MS4A15: variants seen among roughly 807,000 people sequenced by gnomAD.
The protein encoded by MS4A15 is membrane spanning 4-domains A15.
In MS4A15, 22 loss-of-function variants were observed where a neutral mutation model predicts 20.6. The ratio of observed to expected loss-of-function variants is 1.07; its 90% CI spans 0.76 to 1.52. MS4A15 has a LOEUF of 1.52. MS4A15 is among the 40% of genes most tolerant of loss of function. The pLI is 0.00. For synonymous variants in MS4A15, 129 were observed against 129.3 expected (o/e 1.00, Z 0.02); for missense variants, 312 against 323.0 (o/e 0.97, Z 0.26).
rs141545672 is a variant in MS4A15 at position 60,771,403 on chromosome 11, T to C, written c.405+56T>C. ...GGATGAAGCCACAGCTAAATCTCACTCTACCCTGCCCCTCCCATCCACTCA... is the reference window on the plus strand; with the variant it reads ...GGATGAAGCCACAGCTAAATCTCACCCTACCCTGCCCCTCCCATCCACTCA... On this transcript the variant is annotated intron_variant, in intron 4 of 6. Coordinates refer to ENST00000405633, the MANE Select transcript of MS4A15 (RefSeq NM_001098835.2). 9.1e-3 allele frequency: 14,607 copies of C among 1,607,496 alleles called. 158 individuals carry two copies. Among genetic ancestry groups the C allele is most frequent in the South Asian group, 0.042 (3,784 of 90,208 alleles).
At chr11:60,766,153 G>A (rs191270631) in intron 2 of MS4A15, among the ~76,000 whole-genome samples, 2 of 152,296 alleles carry the variant, frequency 1.3e-5, no homozygotes, top group Non-Finnish European at 2.9e-5. Flanking sequence ...GGCCAAGATG[G>A]GTGGATCACC....
intron 2 of MS4A15, 98 bp downstream of exon 2, chr11:60,764,056 A>G (rs1484152404): frequency 1.9e-6 from 2 of 1,075,932 alleles, no homozygotes; most frequent in Non-Finnish European, 2.7e-6. Flanking sequence ...GCAGTTAACA[A>G]ATATGTAGTA....
intron 1 of MS4A15, among the ~76,000 whole-genome samples, chr11:60,761,464 T>C (rs1853737331): frequency 1.3e-5 from 2 of 152,202 alleles, no homozygotes; most frequent in East Asian, 3.8e-4. Flanking sequence ...GGCCATTCAG[T>C]GGTCTCCATC....
At chr11:60,767,698 C>T (rs923567276) in intron 3 of MS4A15, 43 bp downstream of exon 3, 1 of 1,493,978 alleles carries the variant, frequency 6.7e-7, no homozygotes, top group Non-Finnish European at 8.9e-7. Context: ...GGGGATGCTG[C>T]CCAGGCTCAC....
rs1411259650 is a variant in MS4A15, at chr11:60,767,629, G to A, written c.322G>A (p.Gly108Ser). The A allele has an allele frequency of 1.9e-6, 3 of 1,555,886 alleles. No homozygotes were observed. Among genetic ancestry groups the A allele is most frequent in the African/African-American group, 1.4e-5 (1 of 73,792 alleles). ...CGTGGGCATCTTCTTCATCGAGGGC[G>A]GCGTCCCCTTCTGGGGAGGAGCCTG... is the stretch of plus-strand genomic sequence containing the variant. ...GHVGIFFIEG[G>S]VPFWGGACFI... The change falls in exon 3 of 7, where the codon GGC becomes AGC. Residue 108 changes from glycine to serine, a missense_variant. Gly to Ser is a moderately conservative substitution (Grantham distance 56). Coordinates refer to ENST00000405633, the MANE Select transcript of MS4A15 (RefSeq NM_001098835.2).
At chr11:60,760,917 C>A (rs910955323) in intron 1 of MS4A15, among the ~76,000 whole-genome samples, 3 of 152,150 alleles carry the variant, frequency 2.0e-5, no homozygotes, top group Non-Finnish European at 2.9e-5. Flanking sequence ...GGCATAGAAG[C>A]CTCTGTAACT....
rs1366171081 is a variant in MS4A15, at chr11:60,767,658, G to A, written c.348+3G>A. On this transcript the variant is annotated splice_donor_region_variant and intron_variant, in intron 3 of 6. Transcript: ENST00000405633. ...TCCCCTTCTGGGGAGGAGCCTGCGTGAGTGCCGGGGCCATGGAGAGGGAGG... is the reference window on the plus strand; with the variant it reads ...TCCCCTTCTGGGGAGGAGCCTGCGTAAGTGCCGGGGCCATGGAGAGGGAGG... 2.6e-6 allele frequency: 4 copies of A among 1,547,620 alleles called. No individual in the cohort carries two copies. Among genetic ancestry groups the A allele is most frequent in the Non-Finnish European group, 3.5e-6 (4 of 1,145,580 alleles).
At chr11:60,771,585 TC>T (rs1854045482) in intron 4 of MS4A15, 1 of 1,517,538 alleles carries the variant, frequency 6.6e-7, no homozygotes, top group African/African-American at 1.4e-5. Flanking sequence ...AGGTCCATGC[TC>T]ATGGTCATTC....
Position 60,763,695 on chromosome 11 carries a change from T to C in MS4A15, c.-28-11T>C. ...GGGTGACAATCATCATTGCCATTATTATCTCCCAAGCCTTTGTTTCCCAGG... is the reference window on the plus strand; with the variant it reads ...GGGTGACAATCATCATTGCCATTATCATCTCCCAAGCCTTTGTTTCCCAGG... On this transcript the variant is annotated splice_polypyrimidine_tract_variant and intron_variant, in intron 1 of 6. Coordinates refer to ENST00000405633, the MANE Select transcript of MS4A15 (RefSeq NM_001098835.2). 6.2e-7 allele frequency: 1 copy of C among 1,604,192 alleles called. No homozygotes were observed. Among genetic ancestry groups the C allele is most frequent in the Non-Finnish European group, 8.5e-7 (1 of 1,173,080 alleles).
chr11:60,763,574 CA>C, intron 1 of MS4A15, 131 bp from the exon 2 acceptor site: 2 of 713,622 alleles, frequency 2.8e-6, no homozygotes, highest in South Asian at 3.8e-5. Context: ...TCAGCTTCCC[CA>C]GCTTTGATGA....
At chr11:60,758,869 C>A (rs1853653676) in intron 1 of MS4A15, among the ~76,000 whole-genome samples, 1 of 152,206 alleles carries the variant, frequency 6.6e-6, no homozygotes. Flanking sequence ...TGGCAATAGG[C>A]CATGCAAAAA....
intron 3 of MS4A15, 48 bp from the exon 4 acceptor site, chr11:60,771,243 G>A (rs1854029216): frequency 1.2e-6 from 2 of 1,608,526 alleles, no homozygotes; most frequent in Non-Finnish European, 1.7e-6. Flanking sequence ...GGTCTGCCCT[G>A]CCCAGGGTCC....
intron 3 of MS4A15, 25 bp from the exon 4 acceptor site, chr11:60,771,265 TC>T (rs1854029885): frequency 1.2e-6 from 2 of 1,612,676 alleles, no homozygotes; most frequent in African/African-American, 2.7e-5. Context: ...GGCTGAGGCC[TC>T]ACCTGGTCCC....
At chr11:60,762,917 C>CTGTT (rs1853782969) in intron 1 of MS4A15, among the ~76,000 whole-genome samples, 1 of 152,108 alleles carries the variant, frequency 6.6e-6, no homozygotes, top group Non-Finnish European at 1.5e-5. Context: ...AAACAGCCTC[C>CTGTT]TAAGAAGGTG....
At chr11:60,770,508 G>T (rs1854006518) in intron 3 of MS4A15, among the ~76,000 whole-genome samples, 1 of 151,412 alleles carries the variant, frequency 6.6e-6, no homozygotes, top group Non-Finnish European at 1.5e-5. Flanking sequence ...TGGGGCAGGA[G>T]AATCACTTGA....
intron 3 of MS4A15, among the ~76,000 whole-genome samples, chr11:60,768,800 C>A (rs1476261199): frequency 6.6e-6 from 1 of 152,172 alleles, no homozygotes; most frequent in Non-Finnish European, 1.5e-5. Flanking sequence ...GAGAGAAAGC[C>A]AGAGATTTGC....
chr11:60,772,121 G>A (rs1032755542), intron 4 of MS4A15, among the ~76,000 whole-genome samples: 1 of 152,066 alleles, frequency 6.6e-6, no homozygotes, highest in Admixed American at 6.6e-5. Context: ...CAGGTATCAC[G>A]GAACCGAGTC....
At chr11:60,760,459 G>GT (rs150686733) in intron 1 of MS4A15, among the ~76,000 whole-genome samples, 22,704 of 152,212 alleles carry the variant, frequency 0.15, 1,805 homozygotes, top group Non-Finnish European at 0.17. Flanking sequence ...CCCTTTGGAC[G>GT]TTTTAAATCT....
rs1026729539 is a variant in MS4A15, at chr11:60,775,779, C to A, written c.*64C>A. ...TCCCTCTGGGCCCAGCCTCTCCCCA[C>A]CCCCACCTTGTTCATCAGGGGCCAG... On this transcript the variant is annotated 3_prime_UTR_variant, in exon 7 of 7. Transcript: ENST00000405633. 1.1e-5 allele frequency: 15 copies of A among 1,327,492 alleles called. No individual in the cohort carries two copies. Among genetic ancestry groups the A allele is most frequent in the Non-Finnish European group, 1.3e-5 (12 of 947,856 alleles). 82.2% of individuals were successfully genotyped at this position (1,327,492 alleles called of 1,614,324 possible).
Sources: allele counts gnomAD v4.1 joint callset (sites outside exome capture counted in the v4.1 genomes callset), GRCh38; gene constraint gnomAD v4.1.1; transcripts MANE v1.5; gene names NCBI Gene and HGNC (gene_info 2026-07-23, HGNC 2026-07-21).